Variants in FCHSD2 observed in about 807,000 individuals in gnomAD.
The protein encoded by FCHSD2 is F-BAR and double SH3 domains protein 2.
In FCHSD2, 38 loss-of-function variants were observed where a neutral mutation model predicts 108.1. That is an observed-to-expected ratio of 0.35 (90% CI 0.27 to 0.46). The LOEUF (loss-of-function observed/expected upper bound fraction) is 0.46, where lower values mean the gene tolerates loss of function less well. Ranked by LOEUF, FCHSD2 falls within the 20% of genes least tolerant of loss-of-function variation. The pLI is 1.00. For missense variants in FCHSD2, 751 were observed against 897.8 expected (o/e 0.84, Z 2.09); for synonymous variants, 279 against 314.7 (o/e 0.89, Z 1.20).
At chr11:73,029,679 T>C (rs1252188288) in intron 3 of FCHSD2, among the ~76,000 whole-genome samples, 1 of 152,212 alleles carries the variant, frequency 6.6e-6, no homozygotes, top group African/African-American at 2.4e-5. Flanking sequence ...CCCCTTAGGC[T>C]GAAGTGACTT....
chr11:73,061,268 T>C (rs1859156448), intron 3 of FCHSD2, among the ~76,000 whole-genome samples: 1 of 152,190 alleles, frequency 6.6e-6, no homozygotes, highest in African/African-American at 2.4e-5. Context: ...TGAAGAACTC[T>C]GGAACAGATA....
At chr11:73,003,338 T>C (rs763359398) in intron 4 of FCHSD2, among the ~76,000 whole-genome samples, 3 of 152,236 alleles carry the variant, frequency 2.0e-5, no homozygotes, top group Admixed American at 6.5e-5. Context: ...TGAAAATTCA[T>C]GATACACAGA....
At chr11:73,037,104 T>C (rs1858515884) in intron 3 of FCHSD2, among the ~76,000 whole-genome samples, 1 of 152,230 alleles carries the variant, frequency 6.6e-6, no homozygotes, top group Non-Finnish European at 1.5e-5. Context: ...GATACTCACA[T>C]TTTTTAAAAA....
At chr11:73,000,955 T>C (rs781031408) in intron 5 of FCHSD2, 35 bp downstream of exon 5, 1 of 1,551,494 alleles carries the variant, frequency 6.4e-7, no homozygotes, top group Non-Finnish European at 8.8e-7. Context: ...ACTGGGATAT[T>C]AAAATGCATA....
In FCHSD2 at chr11:72,990,543, T is replaced by C. The variant is rs535872334; in HGVS notation, c.388-1446A>G. 1.4e-4 allele frequency among the ~76,000 whole-genome samples: 21 copies of C among 152,160 alleles called. 1 individual carries two copies. Among genetic ancestry groups the C allele is most frequent in the African/African-American group, 3.4e-4 (14 of 41,504 alleles). On this transcript the variant is annotated intron_variant, in intron 5 of 19. Coordinates refer to ENST00000409418, the MANE Select transcript of FCHSD2 (RefSeq NM_014824.3). ...AGTGCAATCAAACTAGAACTCAGGA[T>C]TAAGAAACTCACTCAAAACCACTCA...
At chr11:73,106,507 T>G (rs1199322438) in intron 2 of FCHSD2, among the ~76,000 whole-genome samples, 3 of 152,038 alleles carry the variant, frequency 2.0e-5, no homozygotes, top group Non-Finnish European at 4.4e-5. Context: ...AAGTGCAAAC[T>G]GTTACAGGAA....
At chr11:73,050,738 A>C (rs1858879616) in intron 3 of FCHSD2, among the ~76,000 whole-genome samples, 1 of 152,222 alleles carries the variant, frequency 6.6e-6, no homozygotes, top group Non-Finnish European at 1.5e-5. Context: ...GTCTCCATTC[A>C]CTAACATGAG....
chr11:73,020,709 T>C (rs1212730305), intron 3 of FCHSD2, among the ~76,000 whole-genome samples: 1 of 152,020 alleles, frequency 6.6e-6, no homozygotes, highest in Non-Finnish European at 1.5e-5. Context: ...CATAATAAAT[T>C]GTCTTTATTT....
At chr11:72,884,156 A>G (rs1281806650) in intron 12 of FCHSD2, among the ~76,000 whole-genome samples, 2 of 152,118 alleles carry the variant, frequency 1.3e-5, no homozygotes, top group Non-Finnish European at 2.9e-5. Flanking sequence ...GATGAAAAAC[A>G]TCACATCATC....
chr11:72,887,529 T>C lies in FCHSD2; in HGVS notation c.1087A>G (p.Ser363Gly). 6.2e-7 allele frequency: 1 copy of C among 1,603,748 alleles called. No homozygotes were observed. The highest frequency in any genetic ancestry group is 8.5e-7 in the Non-Finnish European group (1 of 1,176,022). ...ECHGAAVSEQ[S>G]RAELEQKIDE... ...ATTTTCTGTTCTAGCTCTGCTCGGC[T>C]TTGTTCTGATACAGCAGCTCCATGA... Residue 363 changes from serine (S) to glycine (G), a missense_variant, in exon 12 of 20, where the codon AGC (serine) becomes GGC (glycine). By Grantham distance (56) the Ser-to-Gly change is moderately conservative. Coordinates refer to ENST00000409418, the MANE Select transcript of FCHSD2 (RefSeq NM_014824.3).
chr11:72,953,554 C>T (rs889383711), intron 8 of FCHSD2, among the ~76,000 whole-genome samples: 4 of 151,804 alleles, frequency 2.6e-5, no homozygotes, highest in Non-Finnish European at 4.4e-5. Context: ...CATAAAAAGT[C>T]ACTCAACAAA....
chr11:72,984,016 AC>A, intron 8 of FCHSD2, 71 bp downstream of exon 8: 1 of 1,271,398 alleles, frequency 7.9e-7, no homozygotes, highest in Non-Finnish European at 1.1e-6. Flanking sequence ...AATCCCATAA[AC>A]CCAACACCCA....
chr11:72,905,269 A>G (rs966031293), intron 9 of FCHSD2, among the ~76,000 whole-genome samples: 1 of 151,946 alleles, frequency 6.6e-6, no homozygotes, highest in African/African-American at 2.4e-5. Context: ...TTTTTTTCAA[A>G]AAGTTTTAAC....
intron 2 of FCHSD2, among the ~76,000 whole-genome samples, chr11:73,084,831 A>C (rs955206388): frequency 1.3e-5 from 2 of 152,208 alleles, no homozygotes; most frequent in African/African-American, 4.8e-5. Context: ...GAGTCAACAA[A>C]ATGTGGTACT....
In FCHSD2 at chr11:72,978,848, CTCTT is replaced by C. The variant is rs1418866229; in HGVS notation, c.705+5236_705+5239del. On this transcript the variant is annotated intron_variant, in intron 8 of 19. Coordinates refer to ENST00000409418, the MANE Select transcript of FCHSD2 (RefSeq NM_014824.3). The stretch of plus-strand genomic sequence containing the variant: ...TCATAAATTACCCAGTCTCAGGTAG[CTCTT>C]TCTTTTTTTTTTTTTTTTTTTTGAG... 2.6e-3 allele frequency among the ~76,000 whole-genome samples: 367 copies of C among 138,858 alleles called. 1 individual carries two copies. The highest frequency in any genetic ancestry group is 9.1e-3 in the African/African-American group (349 of 38,464). 91.1% of individuals were successfully genotyped at this position (138,858 alleles called of 152,430 possible).
chr11:73,014,379 T>A (rs1857926228), intron 4 of FCHSD2, among the ~76,000 whole-genome samples: 1 of 152,086 alleles, frequency 6.6e-6, no homozygotes. Flanking sequence ...TCCTTCCACC[T>A]CGGCCTCCCA....
At chr11:72,953,913 A>G (rs944993214) in intron 8 of FCHSD2, among the ~76,000 whole-genome samples, 1 of 152,182 alleles carries the variant, frequency 6.6e-6, no homozygotes, top group Non-Finnish European at 1.5e-5. Flanking sequence ...TAAAAGGCCA[A>G]TATGATTAAA....
intron 8 of FCHSD2, among the ~76,000 whole-genome samples, chr11:72,950,524 C>G (rs1216717012): frequency 6.6e-6 from 1 of 151,788 alleles, no homozygotes; most frequent in Non-Finnish European, 1.5e-5. Flanking sequence ...GGTAGAGGTC[C>G]AACTTCATTC....
At chr11:72,902,438 T>C in intron 10 of FCHSD2, 105 bp downstream of exon 10, 1 of 612,332 alleles carries the variant, frequency 1.6e-6, no homozygotes, top group Non-Finnish European at 2.8e-6. Context: ...ATAAAATTGA[T>C]GAGATATACT....
Sources: gnomAD v4.1 joint callset for allele counts (sites outside exome capture counted in the v4.1 genomes callset) on GRCh38, gnomAD v4.1.1 for gene constraint, MANE v1.5 for transcripts, NCBI Gene and HGNC (gene_info 2026-07-23, HGNC 2026-07-21) for gene names.